The following SSTR3 variants were observed in gnomAD, a reference collection of about 807,000 sequenced individuals.
The protein encoded by SSTR3 is somatostatin receptor type 3.
For synonymous variants in SSTR3, 281 were observed against 269.2 expected (o/e 1.04, Z -0.43); for missense variants, 504 against 604.7 (o/e 0.83, Z 1.75).
upstream of SSTR3, among the ~76,000 whole-genome samples, chr22:37,214,335 C>T (rs559874539): frequency 6.6e-5 from 10 of 152,330 alleles, no homozygotes; most frequent in East Asian, 9.6e-4. Flanking sequence ...TTGTGAAAGA[C>T]GCCCTCCCTA....
chr22:37,220,481 G>T, the SSTR3 span, among the ~76,000 whole-genome samples: 2 of 152,202 alleles, frequency 1.3e-5, no homozygotes, highest in Non-Finnish European at 2.9e-5. Context: ...GAACCTGGGA[G>T]GTGGAGGTTG....
In SSTR3 at chr22:37,205,726, C is replaced by G. The variant is rs2071717787; in HGVS notation, c.*821G>C. The G allele has an allele frequency of 6.6e-6, 1 of 152,288 alleles. No individual in the cohort carries two copies. 9.4% of individuals were successfully genotyped at this position (152,288 alleles called of 1,614,324 possible). Reference sequence around the variant, plus strand: ...CTTCCTTGGGGATTGGGTGGCTGACCTCAGCAGGGGCAGAGCCAGGCTTTG... The same window carrying G: ...CTTCCTTGGGGATTGGGTGGCTGACGTCAGCAGGGGCAGAGCCAGGCTTTG... On this transcript the variant is annotated 3_prime_UTR_variant, in exon 2 of 2. Transcript: ENST00000610913.
rs1261745030 is a variant in SSTR3, at chr22:37,207,897, C to G, written c.-36-58G>C. ...GAGAATGGCTTTCTCTGTGCTGCCC[C>G]CTCCCATCATGCCGAACCTGGGGAC... On this transcript the variant is annotated intron_variant, in intron 1 of 1. Coordinates refer to ENST00000610913, the MANE Select transcript of SSTR3 (RefSeq NM_001051.5). 3.6e-6 allele frequency: 5 copies of G among 1,386,058 alleles called. No homozygotes were observed. In the South Asian group the frequency reaches 5.4e-5, roughly 15 times the overall value. The allele number at this position is 1,386,058 out of a possible 1,614,324, so 85.9% of individuals were successfully genotyped here.
At position 37,206,283 on chromosome 22, in the gene SSTR3, C is replaced by T. The variant is rs1308284100; in HGVS notation, c.*264G>A. The T allele has an allele frequency of 2.1e-6, 1 of 473,402 alleles. No individual in the cohort carries two copies. Among genetic ancestry groups the T allele is most frequent in the Non-Finnish European group, 3.6e-6 (1 of 276,226 alleles). 29.3% of individuals were successfully genotyped at this position (473,402 alleles called of 1,614,324 possible). On this transcript the variant is annotated 3_prime_UTR_variant, in exon 2 of 2. Coordinates refer to ENST00000610913, the MANE Select transcript of SSTR3 (RefSeq NM_001051.5). ...CTTTTGCCTGCTCAGCCAGGTCAGC[C>T]CAGCAACAGTGCCCTCCAAACCTCT...
upstream of SSTR3, among the ~76,000 whole-genome samples, chr22:37,216,607 A>G (rs1926457733): frequency 6.6e-6 from 1 of 152,208 alleles, no homozygotes; most frequent in Admixed American, 6.5e-5. Context: ...CGTCCTGGAG[A>G]CTGACGAGCT....
Position 37,207,165 on chromosome 22 carries a change from C to T in SSTR3, c.639G>A (p.Leu213=), listed in dbSNP as rs751007448. 5.0e-6 allele frequency: 8 copies of T among 1,612,350 alleles called. No homozygotes were observed. The East Asian group carries it at 1.6e-4, about 31-fold the overall frequency. ...TGACCAGCAGCGGCCCGAAGAAGCC[C>T]AGTGCGGCCGTGTAGATGATGAAGC... ...RAGFIIYTAA[L]GFFGPLLVIC... The change falls in exon 2 of 2, where the codon CTG becomes CTA. Residue 213 remains leucine, a synonymous_variant. Coordinates refer to ENST00000610913, the MANE Select transcript of SSTR3 (RefSeq NM_001051.5).
rs368449211 is a variant in SSTR3 at position 37,206,524 on chromosome 22, C to A, written c.*23G>T. On this transcript the variant is annotated 3_prime_UTR_variant, in exon 2 of 2. Coordinates refer to ENST00000610913, the MANE Select transcript of SSTR3 (RefSeq NM_001051.5). ...CCACGGCTTCTGCCTCTTCCTCGGG[C>A]CATCCTGGCTTTCCCCAGGCCCCTA... The A allele has an allele frequency of 7.6e-6, 12 of 1,577,114 alleles. No individual in the cohort carries two copies. The African/African-American group carries it at 1.5e-4, about 20-fold the overall frequency.
upstream of SSTR3, among the ~76,000 whole-genome samples, chr22:37,216,348 C>T (rs1926444274): frequency 6.6e-6 from 1 of 152,174 alleles, no homozygotes; most frequent in African/African-American, 2.4e-5. Context: ...GAGAAGTTTA[C>T]ATTTCTTACG....
the SSTR3 span, among the ~76,000 whole-genome samples, chr22:37,219,701 C>T: frequency 2.6e-5 from 4 of 152,048 alleles, no homozygotes; most frequent in Admixed American, 6.5e-5. Flanking sequence ...TCACAAACCA[C>T]CCCAAAATGT....
upstream of SSTR3, among the ~76,000 whole-genome samples, chr22:37,216,708 T>C (rs989105814): frequency 3.2e-4 from 48 of 152,234 alleles, no homozygotes; most frequent in African/African-American, 1.2e-3. Context: ...TCCCTTCAGC[T>C]TTTTCCTGTA....
rs752724021 is a variant in SSTR3, at chr22:37,206,809, G to A, written c.995C>T (p.Ser332Phe). ...GGGCTCCTGGCTGCGCACACGGCGG[G>A]AGGGCCGCAGCAGGACCCTGCGGAA... ...QGFRRVLLRP[S>F]RRVRSQEPTV... The change falls in exon 2 of 2, where the codon TCC becomes TTC. Residue 332 changes from serine (S) to phenylalanine (F), a missense_variant. By Grantham distance (155) the Ser-to-Phe change is radical. Transcript: ENST00000610913. The A allele has an allele frequency of 1.2e-6, 2 of 1,612,534 alleles. No individual in the cohort carries two copies. The highest frequency in any genetic ancestry group is 2.2e-5 in the South Asian group (2 of 91,082).
chr22:37,208,971 G>A (rs1225298054), intron 1 of SSTR3, among the ~76,000 whole-genome samples: 1 of 152,074 alleles, frequency 6.6e-6, no homozygotes, highest in East Asian at 1.9e-4. Context: ...GCAGAGCCAG[G>A]CTGGATGCAG....
the SSTR3 span, among the ~76,000 whole-genome samples, chr22:37,218,665 C>CAAT: frequency 4.0e-4 from 61 of 151,754 alleles, no homozygotes; most frequent in Non-Finnish European, 7.5e-4. Flanking sequence ...ATCGAATTGA[C>CAAT]ATCTCCAAAA....
At chr22:37,212,884 AG>A (rs113398561), upstream of SSTR3, among the ~76,000 whole-genome samples, 3 of 152,282 alleles carry the variant, frequency 2.0e-5, no homozygotes, top group African/African-American at 7.2e-5. Flanking sequence ...ACATCTGGAG[AG>A]CCCCAGGCAG....
At position 37,206,817 on chromosome 22, in the gene SSTR3, C is replaced by T. The variant is rs199954636; in HGVS notation, c.987G>A (p.Leu329=). ...RFKQGFRRVL[L]RPSRRVRSQE... ...GGCTGCGCACACGGCGGGAGGGCCG[C>T]AGCAGGACCCTGCGGAAGCCCTGCT... Residue 329 remains leucine, a synonymous_variant, in exon 2 of 2, where the codon CTG becomes CTA. Coordinates refer to ENST00000610913, the MANE Select transcript of SSTR3 (RefSeq NM_001051.5). 28 of 1,612,716 alleles carry T rather than the reference C, an allele frequency of 1.7e-5. No individual in the cohort carries two copies. The highest frequency in any genetic ancestry group is 5.0e-5 in the Admixed American group (3 of 60,036).
upstream of SSTR3, among the ~76,000 whole-genome samples, chr22:37,213,233 G>A (rs1172973514): frequency 6.6e-6 from 1 of 152,324 alleles, no homozygotes; most frequent in South Asian, 2.1e-4. Flanking sequence ...CTGATCTTTG[G>A]TCTAAGAGAC....
chr22:37,210,483 G>A (rs1926125589), intron 1 of SSTR3: 8 of 981,666 alleles, frequency 8.1e-6, no homozygotes, highest in Non-Finnish European at 9.7e-6. Context: ...CCCTGTCAAA[G>A]TTTGAGGGGC....
At chr22:37,209,057 G>C (rs1926031608) in intron 1 of SSTR3, among the ~76,000 whole-genome samples, 1 of 152,190 alleles carries the variant, frequency 6.6e-6, no homozygotes, top group Non-Finnish European at 1.5e-5. Flanking sequence ...GCTCCTGGCT[G>C]TCCTTGGATT....
At position 37,207,853 on chromosome 22, in the gene SSTR3, A is replaced by T; in HGVS notation, c.-36-14T>A. ...TCAGCTATTTGCCTGGGGGAAGGAA[A>T]AACAGCTCGGTCACAGCAGAGAATG... is the stretch of plus-strand genomic sequence containing the variant. On this transcript the variant is annotated splice_polypyrimidine_tract_variant and intron_variant, in intron 1 of 1. Coordinates refer to ENST00000610913, the MANE Select transcript of SSTR3 (RefSeq NM_001051.5). 1 of 1,469,612 alleles carries T rather than the reference A, an allele frequency of 6.8e-7. No homozygotes were observed. The highest frequency in any genetic ancestry group is 1.9e-4 in the Middle Eastern group (1 of 5,392). 91.0% of individuals were successfully genotyped at this position (1,469,612 alleles called of 1,614,324 possible).
Sources: allele counts gnomAD v4.1 joint callset (sites outside exome capture counted in the v4.1 genomes callset), GRCh38; gene constraint gnomAD v4.1.1; transcripts MANE v1.5; gene names NCBI Gene and HGNC (gene_info 2026-07-23, HGNC 2026-07-21).